Variants in LOC128462377 observed in about 807,000 individuals in gnomAD.
At chr16:89,352,029 G>A in the LOC128462377 span, among the ~76,000 whole-genome samples, 2 of 152,080 alleles carry the variant, frequency 1.3e-5, no homozygotes, top group African/African-American at 2.4e-5. Context: ...TCACGCCTCC[G>A]CTGAAATGAC....
At chr16:89,408,890 A>G in the LOC128462377 span, among the ~76,000 whole-genome samples, 2 of 152,374 alleles carry the variant, frequency 1.3e-5, no homozygotes, top group Admixed American at 6.5e-5. Flanking sequence ...CTAGCAGAGC[A>G]TGTGCCTCTC....
At chr16:89,350,345 G>A in the LOC128462377 span, among the ~76,000 whole-genome samples, 4 of 152,108 alleles carry the variant, frequency 2.6e-5, no homozygotes, top group African/African-American at 9.7e-5. Context: ...ACCACATCCA[G>A]CCATCTGATG....
chr16:89,334,540 T>C, the LOC128462377 span, among the ~76,000 whole-genome samples: 1 of 151,942 alleles, frequency 6.6e-6, no homozygotes, highest in Non-Finnish European at 1.5e-5. Context: ...ACCCCACCCA[T>C]GTGGGCAGTG....
chr16:89,413,780 G>T, the LOC128462377 span, among the ~76,000 whole-genome samples: 1 of 152,172 alleles, frequency 6.6e-6, no homozygotes, highest in South Asian at 2.1e-4. Flanking sequence ...CTCCCCAGGG[G>T]TGAGGGTGCC....
the LOC128462377 span, among the ~76,000 whole-genome samples, chr16:89,378,816 C>T: frequency 4.0e-5 from 6 of 151,498 alleles, no homozygotes; most frequent in African/African-American, 9.7e-5. Context: ...AAACTTCAGG[C>T]GCTGTGGTTT....
At chr16:89,396,046 T>TACTG in the LOC128462377 span, 683 of 152,212 alleles carry the variant, frequency 4.5e-3, 3 homozygotes, top group African/African-American at 0.016. Flanking sequence ...CGGACATGAG[T>TACTG]ACTGGCAGAT....
At chr16:89,390,899 A>T in the LOC128462377 span, among the ~76,000 whole-genome samples, 2 of 152,160 alleles carry the variant, frequency 1.3e-5, no homozygotes, top group African/African-American at 4.8e-5. Flanking sequence ...TGAACATGTA[A>T]GTGTCACCCT....
the LOC128462377 span, among the ~76,000 whole-genome samples, chr16:89,353,403 A>T: frequency 6.6e-6 from 1 of 152,178 alleles, no homozygotes; most frequent in African/African-American, 2.4e-5. Context: ...TTATTTCTCC[A>T]GAGGATCTCA....
At chr16:89,333,008 A>C in the LOC128462377 span, among the ~76,000 whole-genome samples, 17 of 152,260 alleles carry the variant, frequency 1.1e-4, no homozygotes, top group African/African-American at 4.1e-4. Flanking sequence ...GCACCCGGGG[A>C]ATTTCACACG....
the LOC128462377 span, among the ~76,000 whole-genome samples, chr16:89,336,908 G>A: frequency 6.7e-6 from 1 of 149,986 alleles, no homozygotes; most frequent in Non-Finnish European, 1.5e-5. Context: ...GGTGGCTCAT[G>A]CCTGTAATCC....
chr16:89,318,262 G>A, the LOC128462377 span, among the ~76,000 whole-genome samples: 1 of 152,138 alleles, frequency 6.6e-6, no homozygotes, highest in East Asian at 1.9e-4. Flanking sequence ...CCCTGCCTGT[G>A]GGCCTTCTAG....
the LOC128462377 span, among the ~76,000 whole-genome samples, chr16:89,346,652 G>A: frequency 1.3e-5 from 2 of 152,138 alleles, no homozygotes; most frequent in Non-Finnish European, 2.9e-5. Context: ...AGGGAGGAGG[G>A]AAACCAGAGT....
At chr16:89,341,790 T>C in the LOC128462377 span, among the ~76,000 whole-genome samples, 6 of 152,172 alleles carry the variant, frequency 3.9e-5, no homozygotes, top group Non-Finnish European at 7.3e-5. Flanking sequence ...GGCCAAGAGA[T>C]GGCAGAGTCT....
chr16:89,334,879 C>A, the LOC128462377 span, among the ~76,000 whole-genome samples: 9 of 152,104 alleles, frequency 5.9e-5, no homozygotes, highest in African/African-American at 2.2e-4. Flanking sequence ...AAGAGCCAGA[C>A]ACGAGTGTGT....
the LOC128462377 span, among the ~76,000 whole-genome samples, chr16:89,375,220 A>G: frequency 1.3e-5 from 2 of 152,078 alleles, no homozygotes; most frequent in Admixed American, 1.3e-4. Flanking sequence ...TCCGCTTAAA[A>G]CACCGTGTGA....
chr16:89,342,077 G>T, the LOC128462377 span, among the ~76,000 whole-genome samples: 3 of 53,754 alleles, frequency 5.6e-5, no homozygotes, highest in Admixed American at 2.2e-4. Context: ...CACCTCCACC[G>T]CCCACAGCTC....
the LOC128462377 span, among the ~76,000 whole-genome samples, chr16:89,322,683 TG>T: frequency 7.9e-6 from 1 of 126,342 alleles, no homozygotes; most frequent in Non-Finnish European, 1.7e-5. Context: ...CTGGGGAGGG[TG>T]GGGAAGGGGG....
At chr16:89,318,947 T>G in the LOC128462377 span, among the ~76,000 whole-genome samples, 1 of 152,300 alleles carries the variant, frequency 6.6e-6, no homozygotes, top group East Asian at 1.9e-4. Flanking sequence ...TCTTCCAATT[T>G]TCCACCACAA....
At chr16:89,318,292 C>T in the LOC128462377 span, among the ~76,000 whole-genome samples, 1 of 152,230 alleles carries the variant, frequency 6.6e-6, no homozygotes, top group South Asian at 2.1e-4. Flanking sequence ...CCATCACAGC[C>T]AGGCCTCCCG....
Sources: gnomAD v4.1 joint callset for allele counts (sites outside exome capture counted in the v4.1 genomes callset) on GRCh38, gnomAD v4.1.1 for gene constraint, MANE v1.5 for transcripts.